CHN2: variants seen among roughly 807,000 people sequenced by gnomAD.
The protein encoded by CHN2 is beta-chimaerin.
CHN2 carries 35 observed loss-of-function variants against 56.3 expected under a neutral mutation model. That is an observed-to-expected ratio of 0.62 (90% CI 0.47 to 0.82). CHN2 has a LOEUF of 0.82. Ranked by LOEUF, CHN2 falls within the 40% of genes least tolerant of loss-of-function variation. CHN2 has a pLI of 0.00. For missense variants in CHN2, 491 were observed against 580.5 expected (o/e 0.85, Z 1.58); for synonymous variants, 210 against 212.8 (o/e 0.99, Z 0.12).
At chr7:29,484,815 G>C (rs1278442042) in intron 7 of CHN2, among the ~76,000 whole-genome samples, 3 of 152,114 alleles carry the variant, frequency 2.0e-5, no homozygotes, top group Non-Finnish European at 4.4e-5. Flanking sequence ...CACCCTAAAG[G>C]ATGCATTGTC....
intron 1 of CHN2, among the ~76,000 whole-genome samples, chr7:29,329,211 C>G (rs761101410): frequency 1.4e-4 from 22 of 151,880 alleles, no homozygotes; most frequent in Non-Finnish European, 2.8e-4. Context: ...TTAGCCCAAC[C>G]CAAGAATGGC....
At chr7:29,427,415 C>T (rs1585355850) in intron 6 of CHN2, among the ~76,000 whole-genome samples, 1 of 152,140 alleles carries the variant, frequency 6.6e-6, no homozygotes, top group East Asian at 1.9e-4. Flanking sequence ...TACCGTATAA[C>T]ATAATCATGT....
At chr7:29,414,806 A>T (rs866075943) in intron 6 of CHN2, among the ~76,000 whole-genome samples, 2 of 152,122 alleles carry the variant, frequency 1.3e-5, no homozygotes, top group Admixed American at 6.5e-5. Flanking sequence ...TTTACACAGC[A>T]TCTTCCAGTT....
At chr7:29,248,461 C>T (rs1032195045) in intron 1 of CHN2, among the ~76,000 whole-genome samples, 3 of 152,190 alleles carry the variant, frequency 2.0e-5, no homozygotes, top group South Asian at 2.1e-4. Context: ...TTGGGCCCTG[C>T]GTCTCACCCG....
At chr7:29,217,686 T>C (rs1785447890) in intron 1 of CHN2, among the ~76,000 whole-genome samples, 1 of 152,234 alleles carries the variant, frequency 6.6e-6, no homozygotes, top group Non-Finnish European at 1.5e-5. Context: ...TTTTTCATTC[T>C]AGTTCTTCCT....
At chr7:29,261,490 A>C (rs1789550091) in intron 1 of CHN2, among the ~76,000 whole-genome samples, 1 of 143,734 alleles carries the variant, frequency 7.0e-6, no homozygotes, top group Admixed American at 7.3e-5. Flanking sequence ...CACCCTAAGG[A>C]CCACAAGTAT....
chr7:29,179,903 T>A (rs536978447), intron 2 of CHN2, among the ~76,000 whole-genome samples: 1 of 152,200 alleles, frequency 6.6e-6, no homozygotes, highest in Non-Finnish European at 1.5e-5. Flanking sequence ...AAAAATCTGG[T>A]CACTGTTATT....
chr7:29,403,167 G>A (rs183751665), intron 6 of CHN2, among the ~76,000 whole-genome samples: 30 of 152,144 alleles, frequency 2.0e-4, no homozygotes, highest in Middle Eastern at 3.4e-3. Flanking sequence ...GAATCCATCC[G>A]TTTCTCTCTG....
intron 7 of CHN2, among the ~76,000 whole-genome samples, chr7:29,482,295 T>G (rs931267234): frequency 2.4e-4 from 36 of 152,338 alleles, no homozygotes; most frequent in Non-Finnish European, 5.0e-4. Flanking sequence ...CTCAAGTAGC[T>G]GTGACAGTTG....
intron 6 of CHN2, among the ~76,000 whole-genome samples, chr7:29,455,121 A>G (rs569255766): frequency 5.9e-5 from 9 of 152,232 alleles, no homozygotes; most frequent in South Asian, 2.1e-4. Context: ...ATTCCAGGCT[A>G]CGGATGTAAT....
intron 1 of CHN2, among the ~76,000 whole-genome samples, chr7:29,323,155 C>CG (rs1338934624): frequency 6.6e-6 from 1 of 151,040 alleles, no homozygotes; most frequent in African/African-American, 2.5e-5. Context: ...ATCCGTCCCC[C>CG]CCGTTCCCCC....
At chr7:29,423,918 G>A (rs10951223) in intron 6 of CHN2, among the ~76,000 whole-genome samples, 36,973 of 152,042 alleles carry the variant, frequency 0.24, 4,744 homozygotes, top group Admixed American at 0.3. Flanking sequence ...CTTACCTGGC[G>A]GCTACCTCTC....
chr7:29,280,121 C>T (rs1052575775), intron 1 of CHN2, among the ~76,000 whole-genome samples: 14 of 152,110 alleles, frequency 9.2e-5, no homozygotes, highest in Admixed American at 2.0e-4. Context: ...CGGTGGCTCA[C>T]GCCTGTAATC....
intron 6 of CHN2, among the ~76,000 whole-genome samples, chr7:29,449,097 T>G (rs1285929139): frequency 4.0e-4 from 61 of 152,238 alleles, no homozygotes; most frequent in Non-Finnish European, 2.9e-5. Context: ...TTGATAACTT[T>G]GCAGCATTAA....
chr7:29,176,438 C>A (rs1314851068), intron 2 of CHN2, among the ~76,000 whole-genome samples: 2 of 151,980 alleles, frequency 1.3e-5, no homozygotes, highest in Non-Finnish European at 2.9e-5. Flanking sequence ...CATGTCAGAA[C>A]ACAATGGGTA....
At chr7:29,403,149 C>G (rs1802352817) in intron 6 of CHN2, among the ~76,000 whole-genome samples, 1 of 152,090 alleles carries the variant, frequency 6.6e-6, no homozygotes, top group South Asian at 2.1e-4. Flanking sequence ...TGTTAAGTTA[C>G]TTGGTACGAA....
rs185451838 is a variant in CHN2, at chr7:29,317,210, A to T, written c.50-37415A>T. ...GGAGGAAGTAATTGAAGCAGCAAATAGTCCGAGGCACAGAAATGGAAATAT... is the reference window on the plus strand; with the variant it reads ...GGAGGAAGTAATTGAAGCAGCAAATTGTCCGAGGCACAGAAATGGAAATAT... On this transcript the variant is annotated intron_variant, in intron 1 of 12. Coordinates refer to ENST00000222792, the MANE Select transcript of CHN2 (RefSeq NM_004067.4). Among the ~76,000 whole-genome samples the T allele has an allele frequency of 1.3e-3, 205 of 152,360 alleles. 1 individual carries two copies. The highest frequency in any genetic ancestry group is 2.2e-4 in the Non-Finnish European group (15 of 68,028).
At chr7:29,248,731 T>C (rs983574896) in intron 1 of CHN2, among the ~76,000 whole-genome samples, 5 of 152,186 alleles carry the variant, frequency 3.3e-5, no homozygotes, top group African/African-American at 1.2e-4. Flanking sequence ...CTCAGCAGCA[T>C]CTACTGGGGA....
chr7:29,194,499 C>T (rs564068890), upstream of CHN2: 45 of 163,678 alleles, frequency 2.7e-4, 1 homozygote, highest in Middle Eastern at 2.9e-3. Flanking sequence ...CGCCTCTGCC[C>T]GGTCTACTCG....
Sources: allele counts gnomAD v4.1 joint callset (sites outside exome capture counted in the v4.1 genomes callset), GRCh38; gene constraint gnomAD v4.1.1; transcripts MANE v1.5; gene names NCBI Gene and HGNC (gene_info 2026-07-23, HGNC 2026-07-21).